FRK: variants seen among roughly 807,000 people sequenced by gnomAD.
The protein encoded by FRK is fyn related Src family tyrosine kinase.
Under a neutral mutation model 56.4 loss-of-function variants are expected in FRK, and 51 were observed. That is an observed-to-expected ratio of 0.90 (90% CI 0.72 to 1.14). FRK has a LOEUF of 1.14. FRK is among the 50% of genes most tolerant of loss of function. The probability of loss-of-function intolerance (pLI) is 0.00; values close to 1 mark genes in which losing one functional copy is unlikely to be tolerated. For synonymous variants in FRK, 245 were observed against 217.9 expected (o/e 1.12, Z -1.10); for missense variants, 570 against 601.4 (o/e 0.95, Z 0.55).
At chr6:116,097,654 G>T in the FRK span, among the ~76,000 whole-genome samples, 1 of 152,110 alleles carries the variant, frequency 6.6e-6, no homozygotes, top group African/African-American at 2.4e-5. Context: ...TTGTAATAAT[G>T]AAATTTAATT....
At chr6:116,039,180 T>C (rs546102843) in intron 1 of FRK, 247 of 1,269,078 alleles carry the variant, frequency 1.9e-4, no homozygotes, top group Middle Eastern at 4.4e-4. Context: ...AGAAGTTTGT[T>C]TTCGAGAAGA....
At position 115,931,497 on chromosome 6, in the gene FRK, C is replaced by T. The variant is rs2114481930; in HGVS notation, c.*10917G>A. 1 of 151,926 alleles carries T rather than the reference C, an allele frequency of 6.6e-6. No homozygotes were observed. The highest frequency in any genetic ancestry group is 2.1e-4 in the South Asian group (1 of 4,812). 9.4% of individuals were successfully genotyped at this position (151,926 alleles called of 1,614,324 possible). A position where few individuals can be genotyped will look rare whatever the true frequency, so the allele number is the denominator to read the frequency against. On this transcript the variant is annotated 3_prime_UTR_variant, in exon 8 of 8. Transcript: ENST00000606080. Reference sequence around the variant, plus strand: ...GTAATATGTGTCACATGTAACTGTACAATATAAATATTAAAGAATACAATA... The same window carrying T: ...GTAATATGTGTCACATGTAACTGTATAATATAAATATTAAAGAATACAATA...
At position 115,941,142 on chromosome 6, in the gene FRK, A is replaced by G. The variant is rs985825539; in HGVS notation, c.*1272T>C. ...GATAAAGAAAATGTGGCACATAGACACTATGGAATACTATGCAGCCATAAA... is the reference window on the plus strand; with the variant it reads ...GATAAAGAAAATGTGGCACATAGACGCTATGGAATACTATGCAGCCATAAA... On this transcript the variant is annotated 3_prime_UTR_variant, in exon 8 of 8. Transcript: ENST00000606080. The G allele has an allele frequency of 4.6e-5, 7 of 152,234 alleles. No individual in the cohort carries two copies. The highest frequency in any genetic ancestry group is 1.0e-4 in the Non-Finnish European group (7 of 68,040). The allele number at this position is 152,234 out of a possible 1,614,324, so 9.4% of individuals were successfully genotyped here. A position where few individuals can be genotyped will look rare whatever the true frequency, so the allele number is the denominator to read the frequency against.
rs139679286 is a variant in FRK at position 116,001,366 on chromosome 6, T to A, written c.466+2511A>T. Among the ~76,000 whole-genome samples the A allele has an allele frequency of 4.5e-4, 68 of 152,230 alleles. No homozygotes were observed. The East Asian group carries it at 0.012, about 27-fold the overall frequency. On this transcript the variant is annotated intron_variant, in intron 2 of 7. Transcript: ENST00000606080. ...GTGTGTATATTTATCTAGATATAGA[T>A]AGATTTATAGATATATACACTATTA...
intron 4 of FRK, among the ~76,000 whole-genome samples, chr6:115,961,644 A>G (rs1213117973): frequency 1.4e-5 from 1 of 72,246 alleles, no homozygotes. Context: ...GCAGCCAGAG[A>G]GAAAGGTCGG....
chr6:115,977,589 T>G (rs1440705090), intron 2 of FRK, among the ~76,000 whole-genome samples: 1 of 152,180 alleles, frequency 6.6e-6, no homozygotes, highest in African/African-American at 2.4e-5. Flanking sequence ...ATACATCTAA[T>G]AGGTGCCAGG....
intron 1 of FRK, among the ~76,000 whole-genome samples, chr6:116,021,052 C>T (rs1409643648): frequency 6.6e-6 from 1 of 151,990 alleles, no homozygotes; most frequent in Non-Finnish European, 1.5e-5. Context: ...GATCCATTAA[C>T]TTTTAAAATC....
At chr6:115,991,567 A>G (rs1215231678) in intron 2 of FRK, among the ~76,000 whole-genome samples, 1 of 151,848 alleles carries the variant, frequency 6.6e-6, no homozygotes. Flanking sequence ...GTGGTGAGTT[A>G]CATTGATCAA....
At position 116,028,802 on chromosome 6, in the gene FRK, C is replaced by G. The variant is rs73562558; in HGVS notation, c.345-24804G>C. Among the ~76,000 whole-genome samples, 963 of 152,188 alleles carry G rather than the reference C, an allele frequency of 6.3e-3. 9 individuals are homozygous for G. The highest frequency in any genetic ancestry group is 0.022 in the African/African-American group (904 of 41,534). ...TCAGGTCACATTCTGAGGGTAAAGG[C>G]GGTTGGGGACTTCCACATAAAGACT... On this transcript the variant is annotated intron_variant, in intron 1 of 7. Coordinates refer to ENST00000606080, the MANE Select transcript of FRK (RefSeq NM_002031.3).
Position 115,933,905 on chromosome 6 carries a change from A to C in FRK, c.*8509T>G, listed in dbSNP as rs577183368. The C allele has an allele frequency of 1.1e-4, 17 of 152,310 alleles. No individual in the cohort carries two copies. Among genetic ancestry groups the C allele is most frequent in the African/African-American group, 4.1e-4 (17 of 41,574 alleles). The allele number at this position is 152,310 out of a possible 1,614,324, so 9.4% of individuals were successfully genotyped here. On this transcript the variant is annotated 3_prime_UTR_variant, in exon 8 of 8. Coordinates refer to ENST00000606080, the MANE Select transcript of FRK (RefSeq NM_002031.3). Reference sequence around the variant, plus strand: ...ATCTTAGAAATACTGTTTATAAAGGAATCAAGGGGTTCTATAATCTTTAGC... The same window carrying C: ...ATCTTAGAAATACTGTTTATAAAGGCATCAAGGGGTTCTATAATCTTTAGC...
chr6:115,960,077 G>T (rs948230979), intron 4 of FRK, among the ~76,000 whole-genome samples: 1 of 152,166 alleles, frequency 6.6e-6, no homozygotes, highest in Admixed American at 6.5e-5. Context: ...CCTGTCTACA[G>T]CTCCCAGCGT....
intron 1 of FRK, among the ~76,000 whole-genome samples, chr6:116,047,389 C>T (rs1229777292): frequency 6.7e-6 from 1 of 149,774 alleles, no homozygotes; most frequent in Admixed American, 6.7e-5. Context: ...AGCTGTGTTC[C>T]ACTTCCTCTT....
the FRK span, among the ~76,000 whole-genome samples, chr6:116,073,823 G>A: frequency 4.6e-5 from 7 of 152,186 alleles, no homozygotes; most frequent in South Asian, 8.3e-4. Context: ...TTGACAGACT[G>A]AGAGCTTGAA....
In FRK at chr6:115,943,185, C is replaced by T. The variant is rs1470196516; in HGVS notation, c.1141G>A (p.Val381Ile). ...ADFGLARVFKVDNEDIYESRH... is the reference protein window; with the variant it reads ...ADFGLARVFKIDNEDIYESRH... ...GATTCATAGATGTCTTCATTATCTA[C>T]CTGTTCATGTATTAAGGAATCAGGC... Residue 381 changes from valine (V) to isoleucine (I), a missense_variant and splice_region_variant, in exon 7 of 8, where the codon GTA becomes ATA. Transcript: ENST00000606080. 6.2e-7 allele frequency: 1 copy of T among 1,602,390 alleles called. No homozygotes were observed. Among genetic ancestry groups the T allele is most frequent in the Non-Finnish European group, 8.5e-7 (1 of 1,175,646 alleles).
Position 115,991,053 on chromosome 6 carries a change from C to T in FRK, c.466+12824G>A, listed in dbSNP as rs1774583074. Among the ~76,000 whole-genome samples the T allele has an allele frequency of 2.6e-5, 4 of 151,636 alleles. No individual in the cohort carries two copies. In the South Asian group the frequency reaches 8.3e-4, roughly 32 times the overall value. ...TGGCTATTGCAAATAAGACTGAGTT[C>T]TTGATTGGTTCTCAGGTTGACTGCT... On this transcript the variant is annotated intron_variant, in intron 2 of 7. Coordinates refer to ENST00000606080, the MANE Select transcript of FRK (RefSeq NM_002031.3).
At chr6:115,944,175 T>A in intron 6 of FRK, 69 bp downstream of exon 6, 1 of 1,229,836 alleles carries the variant, frequency 8.1e-7, no homozygotes, top group Non-Finnish European at 1.1e-6. Flanking sequence ...TAACAGTATA[T>A]CTATTGGTCT....
chr6:116,045,793 G>A (rs1776928496), intron 1 of FRK, among the ~76,000 whole-genome samples: 2 of 152,054 alleles, frequency 1.3e-5, no homozygotes, highest in Non-Finnish European at 2.9e-5. Context: ...TTGACAAATG[G>A]GATCTAATTA....
intron 5 of FRK, among the ~76,000 whole-genome samples, chr6:115,947,317 A>AGTGTGT (rs10577529): frequency 3.1e-4 from 46 of 149,898 alleles, no homozygotes; most frequent in African/African-American, 1.1e-3. Context: ...AGACTTAAAC[A>AGTGTGT]GTGTGTGTGT....
intron 2 of FRK, among the ~76,000 whole-genome samples, chr6:115,990,069 C>G (rs1562273579): frequency 6.6e-6 from 1 of 151,440 alleles, no homozygotes; most frequent in African/African-American, 2.4e-5. Context: ...TTGTTGGTTG[C>G]TTCTGTGTCT....
Sources: gnomAD v4.1 joint callset for allele counts (sites outside exome capture counted in the v4.1 genomes callset) on GRCh38, gnomAD v4.1.1 for gene constraint, MANE v1.5 for transcripts, NCBI Gene and HGNC (gene_info 2026-07-23, HGNC 2026-07-21) for gene names.